The following EYS variants were observed in gnomAD, a reference collection of about 807,000 sequenced individuals.
EYS encodes protein eyes shut homolog.
A neutral mutation model predicts 282.1 loss-of-function variants in EYS; 250 were observed. The observed-to-expected ratio is 0.89, with a 90% CI of 0.80 to 0.98. EYS has a LOEUF of 0.98. Ranked by LOEUF, EYS falls within the 50% of genes least tolerant of loss-of-function variation. The pLI, the probability that EYS is intolerant of heterozygous loss-of-function variation, is 0.00. For missense variants in EYS, 4,016 were observed against 3,709.0 expected, an observed-to-expected ratio of 1.08 and a Z score of -2.15; for synonymous variants, 1,355 against 1,282.9, an observed-to-expected ratio of 1.06 and a Z score of -1.20.
intron 12 of EYS, among the ~76,000 whole-genome samples, chr6:65,210,438 T>C (rs1225635341): frequency 1.3e-5 from 2 of 152,030 alleles, no homozygotes; most frequent in South Asian, 2.1e-4. Context: ...GCATAATATC[T>C]GGTAAAATTG....
intron 31 of EYS, among the ~76,000 whole-genome samples, chr6:64,220,438 A>C (rs1156473536): frequency 6.6e-6 from 1 of 152,168 alleles, no homozygotes; most frequent in Non-Finnish European, 1.5e-5. Flanking sequence ...CAGGTAGATC[A>C]ATGAGCTGAC....
At chr6:63,754,470 C>T (rs1477701884) in intron 41 of EYS, among the ~76,000 whole-genome samples, 1 of 151,898 alleles carries the variant, frequency 6.6e-6, no homozygotes, top group Non-Finnish European at 1.5e-5. Context: ...GTGATATTTT[C>T]CTGAGAATGC....
At position 64,590,076 on chromosome 6, in the gene EYS, C is replaced by G. The variant is rs1307803062; in HGVS notation, c.5644+147G>C. 59 of 648,236 alleles carry G rather than the reference C, an allele frequency of 9.1e-5. 1 individual carries two copies. The allele number at this position is 648,236 out of a possible 1,614,324, so 40.2% of individuals were successfully genotyped here. A position where few individuals can be genotyped will look rare whatever the true frequency, so the allele number is the denominator to read the frequency against. On this transcript the variant is annotated intron_variant, in intron 26 of 42. Coordinates refer to ENST00000503581, the MANE Select transcript of EYS (RefSeq NM_001142800.2). ...GAATAACCATCTGTGTCAGGTACAA[C>G]AGCAGGTGCCTTCTCAATTGAACTG...
chr6:65,362,614 T>C (rs9453274), intron 8 of EYS, among the ~76,000 whole-genome samples: 102,152 of 151,526 alleles, frequency 0.67, 34,526 homozygotes, highest in South Asian at 0.71. Context: ...TATATGCCTA[T>C]ATATGTAATG....
chr6:65,384,572 C>T (rs751828107), intron 7 of EYS, 72 bp from the exon 8 acceptor site: 4 of 775,612 alleles, frequency 5.2e-6, no homozygotes, highest in African/African-American at 1.7e-5. Context: ...TAACATTATT[C>T]CAAAAGGAAT....
At chr6:65,664,025 C>T (rs1768114958) in intron 1 of EYS, among the ~76,000 whole-genome samples, 1 of 151,974 alleles carries the variant, frequency 6.6e-6, no homozygotes, top group African/African-American at 2.4e-5. Flanking sequence ...GTGCGGCCAC[C>T]ACGCCCGGCT....
intron 41 of EYS, among the ~76,000 whole-genome samples, chr6:63,756,785 G>A (rs10943975): frequency 0.54 from 82,016 of 151,932 alleles, 23,592 homozygotes; most frequent in African/African-American, 0.74. Flanking sequence ...ATAATTTCTT[G>A]CACTTGTCTT....
chr6:65,459,998 AT>A (rs1260252811), intron 5 of EYS, among the ~76,000 whole-genome samples: 18 of 128,824 alleles, frequency 1.4e-4, no homozygotes, highest in African/African-American at 6.0e-4. Context: ...ATATATATAT[AT>A]ATATATATAA....
chr6:64,857,235 C>T (rs983148698), intron 19 of EYS, among the ~76,000 whole-genome samples: 1 of 152,024 alleles, frequency 6.6e-6, no homozygotes, highest in Non-Finnish European at 1.5e-5. Context: ...CATACATTTC[C>T]CTATAGGTAC....
chr6:65,117,794 A>C (rs1387948886), intron 12 of EYS, among the ~76,000 whole-genome samples: 1 of 152,220 alleles, frequency 6.6e-6, no homozygotes, highest in African/African-American at 2.4e-5. Flanking sequence ...AAAAGAATTA[A>C]ATATGTTATT....
At chr6:64,525,616 C>T (rs1415601554) in intron 26 of EYS, among the ~76,000 whole-genome samples, 2 of 151,504 alleles carry the variant, frequency 1.3e-5, no homozygotes, top group East Asian at 3.9e-4. Context: ...ATAGCAATCC[C>T]CTGTGATATG....
chr6:64,023,097 G>A (rs1407163188), intron 33 of EYS, among the ~76,000 whole-genome samples: 1 of 152,108 alleles, frequency 6.6e-6, no homozygotes, highest in Non-Finnish European at 1.5e-5. Context: ...CACATAAGTG[G>A]AATCATATAA....
At chr6:65,403,986 C>G (rs1766617107) in intron 6 of EYS, among the ~76,000 whole-genome samples, 1 of 151,804 alleles carries the variant, frequency 6.6e-6, no homozygotes, top group Admixed American at 6.6e-5. Context: ...TAGCTTGAAG[C>G]AACAACAACA....
chr6:65,634,401 G>C (rs1238748628), intron 2 of EYS, among the ~76,000 whole-genome samples: 1 of 152,148 alleles, frequency 6.6e-6, no homozygotes, highest in Admixed American at 6.5e-5. Context: ...AATAGTGTTA[G>C]CTTCCATGTT....
intron 15 of EYS, among the ~76,000 whole-genome samples, chr6:64,916,810 C>G (rs182919720): frequency 1.9e-3 from 284 of 152,290 alleles, no homozygotes; most frequent in Non-Finnish European, 3.0e-3. Flanking sequence ...CTAATTTGCT[C>G]TTTTCCCTAG....
intron 26 of EYS, among the ~76,000 whole-genome samples, chr6:64,448,866 C>T (rs1008066444): frequency 1.3e-5 from 2 of 152,128 alleles, no homozygotes; most frequent in African/African-American, 4.8e-5. Context: ...ATGTCACCAT[C>T]ATCAAAGACC....
chr6:65,608,485 AAC>A (rs1765881451), intron 2 of EYS, among the ~76,000 whole-genome samples: 1 of 150,878 alleles, frequency 6.6e-6, no homozygotes, highest in Non-Finnish European at 1.5e-5. Context: ...ACACTTTATA[AAC>A]AGTGTACACT....
At chr6:65,370,629 C>G (rs1765106790) in intron 8 of EYS, among the ~76,000 whole-genome samples, 1 of 151,652 alleles carries the variant, frequency 6.6e-6, no homozygotes, top group African/African-American at 2.4e-5. Context: ...ATTTTTCCCA[C>G]CTTGCAACAA....
chr6:64,017,751 C>T (rs2149816046), intron 33 of EYS, among the ~76,000 whole-genome samples: 1 of 152,300 alleles, frequency 6.6e-6, no homozygotes, highest in East Asian at 1.9e-4. Flanking sequence ...CACATCTGCT[C>T]ATTAATATGA....
Sources: allele counts gnomAD v4.1 joint callset (sites outside exome capture counted in the v4.1 genomes callset), GRCh38; gene constraint gnomAD v4.1.1; transcripts MANE v1.5; gene names NCBI Gene and HGNC (gene_info 2026-07-23, HGNC 2026-07-21).